CEP128: variants seen among roughly 807,000 people sequenced by gnomAD.
The protein encoded by CEP128 is centrosomal protein 128kDa.
A neutral mutation model predicts 156.7 loss-of-function variants in CEP128; 132 were observed. The observed-to-expected ratio is 0.84, with a 90% CI of 0.73 to 0.97. The LOEUF (loss-of-function observed/expected upper bound fraction) is 0.97, where lower values mean the gene tolerates loss of function less well. Ranked by LOEUF, CEP128 falls within the 50% of genes least tolerant of loss-of-function variation. The pLI, the probability that CEP128 is intolerant of heterozygous loss-of-function variation, is 0.00. For missense variants in CEP128, 1,252 were observed against 1,281.9 expected (o/e 0.98, Z 0.36); for synonymous variants, 469 against 448.9 (o/e 1.04, Z -0.57).
downstream of CEP128, among the ~76,000 whole-genome samples, chr14:80,493,834 C>G (rs1301459572): frequency 3.9e-5 from 6 of 152,120 alleles, no homozygotes; most frequent in African/African-American, 1.4e-4. Context: ...GCAGGAGAAG[C>G]CAATAGGGGC....
intron 16 of CEP128, among the ~76,000 whole-genome samples, chr14:80,773,583 A>C (rs964121792): frequency 1.3e-5 from 2 of 152,154 alleles, no homozygotes; most frequent in African/African-American, 4.8e-5. Flanking sequence ...ACTATTTGCA[A>C]ACGAATTTTT....
At chr14:80,911,726 G>A (rs971141855) in intron 4 of CEP128, among the ~76,000 whole-genome samples, 3 of 152,052 alleles carry the variant, frequency 2.0e-5, no homozygotes, top group Non-Finnish European at 4.4e-5. Context: ...CAATGCCTGA[G>A]GTAGATTTGG....
chr14:80,704,174 A>G (rs1167157448), intron 19 of CEP128, among the ~76,000 whole-genome samples: 1 of 152,074 alleles, frequency 6.6e-6, no homozygotes, highest in Non-Finnish European at 1.5e-5. Flanking sequence ...CTGGGAAATA[A>G]TTTCAATTAT....
chr14:80,937,875 G>C (rs1885902396), intron 2 of CEP128, among the ~76,000 whole-genome samples: 1 of 150,870 alleles, frequency 6.6e-6, no homozygotes, highest in African/African-American at 2.4e-5. Context: ...CCCCCATCCA[G>C]CTCTAAAATT....
chr14:80,728,850 A>C (rs2139507858), intron 19 of CEP128, among the ~76,000 whole-genome samples: 1 of 152,304 alleles, frequency 6.6e-6, no homozygotes, highest in East Asian at 1.9e-4. Flanking sequence ...GCATTTTCTA[A>C]CTAGATGTAA....
At chr14:80,923,427 A>C (rs898946168) in intron 2 of CEP128, among the ~76,000 whole-genome samples, 3 of 152,232 alleles carry the variant, frequency 2.0e-5, no homozygotes, top group African/African-American at 7.2e-5. Context: ...CTTCATTATA[A>C]TGATGCACAT....
At chr14:80,915,649 T>C (rs553941993) in intron 3 of CEP128, among the ~76,000 whole-genome samples, 95 of 152,308 alleles carry the variant, frequency 6.2e-4, no homozygotes, top group African/African-American at 2.1e-3. Context: ...TAAATTAAAA[T>C]GGCACCTCTT....
At chr14:80,527,050 T>A (rs976521425) in intron 22 of CEP128, 68 bp from the exon 23 acceptor site, 2 of 737,174 alleles carry the variant, frequency 2.7e-6, no homozygotes, top group Admixed American at 4.6e-5. Flanking sequence ...GAAATTAGAG[T>A]AAGAAAGAGT....
At chr14:80,533,074 G>A (rs1051536321) in intron 21 of CEP128, among the ~76,000 whole-genome samples, 6 of 152,062 alleles carry the variant, frequency 3.9e-5, no homozygotes, top group African/African-American at 1.4e-4. Flanking sequence ...TTCATGTGTA[G>A]GAAAGATTCA....
intron 8 of CEP128, among the ~76,000 whole-genome samples, chr14:80,885,973 C>T (rs1366837435): frequency 6.6e-6 from 1 of 151,860 alleles, no homozygotes; most frequent in Middle Eastern, 3.2e-3. Flanking sequence ...ATGAGAACTT[C>T]GCGAAGCATA....
chr14:80,770,274 A>C (rs930550490), intron 16 of CEP128, among the ~76,000 whole-genome samples: 1 of 152,240 alleles, frequency 6.6e-6, no homozygotes, highest in Admixed American at 6.5e-5. Context: ...AGTCATTGCC[A>C]ATTGAGTAAT....
intron 18 of CEP128, among the ~76,000 whole-genome samples, chr14:80,752,766 T>C (rs1320492953): frequency 6.6e-6 from 1 of 152,234 alleles, no homozygotes; most frequent in Non-Finnish European, 1.5e-5. Context: ...CAGTAACTAA[T>C]TAGTTTTATG....
chr14:80,932,125 T>C (rs752823869), intron 2 of CEP128, among the ~76,000 whole-genome samples: 1 of 152,222 alleles, frequency 6.6e-6, no homozygotes, highest in African/African-American at 2.4e-5. Flanking sequence ...CCTGATGCCA[T>C]GTGAAGAAGG....
chr14:80,849,290 A>C (rs1886768757), intron 9 of CEP128, among the ~76,000 whole-genome samples: 1 of 152,226 alleles, frequency 6.6e-6, no homozygotes, highest in Admixed American at 6.5e-5. Flanking sequence ...TGCACCTTCC[A>C]AACAAGTTCA....
intron 19 of CEP128, among the ~76,000 whole-genome samples, chr14:80,666,362 T>G (rs1049285246): frequency 1.7e-4 from 26 of 152,152 alleles, no homozygotes; most frequent in Middle Eastern, 3.2e-3. Flanking sequence ...GAAACACACT[T>G]TCTATGAAAC....
At chr14:80,648,729 C>T (rs1242372606) in intron 19 of CEP128, among the ~76,000 whole-genome samples, 2 of 152,006 alleles carry the variant, frequency 1.3e-5, no homozygotes, top group Non-Finnish European at 2.9e-5. Context: ...TTCATTCATT[C>T]ATCCAACTTT....
intron 19 of CEP128, among the ~76,000 whole-genome samples, chr14:80,646,994 AAT>A (rs372341494): frequency 0.034 from 2,636 of 76,518 alleles, 175 homozygotes; most frequent in African/African-American, 0.071. Flanking sequence ...ATTTATAAGA[AAT>A]ATATATATAT....
intron 8 of CEP128, among the ~76,000 whole-genome samples, chr14:80,892,896 A>G (rs766094635): frequency 3.2e-4 from 49 of 151,954 alleles, no homozygotes; most frequent in Non-Finnish European, 1.2e-4. Flanking sequence ...AAGTCAAAAA[A>G]TAACAAATGT....
At chr14:80,911,527 T>A (rs1319345846) in intron 4 of CEP128, among the ~76,000 whole-genome samples, 1 of 152,110 alleles carries the variant, frequency 6.6e-6, no homozygotes, top group Non-Finnish European at 1.5e-5. Flanking sequence ...ACAAATAAAA[T>A]TTTAAAAATA....
Sources: allele counts gnomAD v4.1 joint callset (sites outside exome capture counted in the v4.1 genomes callset), GRCh38; gene constraint gnomAD v4.1.1; transcripts MANE v1.5; gene names NCBI Gene and HGNC (gene_info 2026-07-23, HGNC 2026-07-21).